AGAP1: variants seen among roughly 807,000 people sequenced by gnomAD.
AGAP1 encodes the protein ArfGAP with GTPase domain, ankyrin repeat and PH domain 1.
In AGAP1, 29 loss-of-function variants were observed where a neutral mutation model predicts 105.3. The observed-to-expected ratio is 0.28, with a 90% CI of 0.21 to 0.38. The LOEUF (loss-of-function observed/expected upper bound fraction) is 0.38. Ranked by LOEUF, AGAP1 falls within the 10% of genes least tolerant of loss-of-function variation. AGAP1 has a pLI of 1.00. For missense variants in AGAP1, 998 were observed against 1,165.1 expected, an observed-to-expected ratio of 0.86 and a Z score of 2.09; for synonymous variants, 509 against 485.9, an observed-to-expected ratio of 1.05 and a Z score of -0.63.
At chr2:235,670,201 C>T (rs1465107321) in intron 1 of AGAP1, 7 of 582,774 alleles carry the variant, frequency 1.2e-5, no homozygotes, top group Non-Finnish European at 1.9e-5. Flanking sequence ...TCTCCGTGAC[C>T]ATGGTCAGGA....
At chr2:235,627,326 G>A (rs1946674499) in intron 1 of AGAP1, among the ~76,000 whole-genome samples, 1 of 149,390 alleles carries the variant, frequency 6.7e-6, no homozygotes, top group South Asian at 2.1e-4. Context: ...CCGAGTTTAA[G>A]CAATTCTCCT....
chr2:236,101,037 C>A lies in AGAP1; in HGVS notation c.2115-19155C>A, dbSNP rs748143191. On this transcript the variant is annotated intron_variant, in intron 16 of 17. Coordinates refer to ENST00000304032, the MANE Select transcript of AGAP1 (RefSeq NM_001037131.3). The surrounding 1 kb of genome is among the most constrained non-coding windows in gnomAD (Gnocchi z 4.9). ...CATCAGCTAGGCTGACACAGGGGTC[C>A]GCAGACCCAGGCCCCTCATTCCATC... 6.6e-6 allele frequency among the ~76,000 whole-genome samples: 1 copy of A among 152,072 alleles called. No individual in the cohort carries two copies. Among genetic ancestry groups the A allele is most frequent in the East Asian group, 1.9e-4 (1 of 5,160 alleles).
At chr2:235,506,408 A>C (rs866224802) in intron 1 of AGAP1, among the ~76,000 whole-genome samples, 15 of 152,148 alleles carry the variant, frequency 9.9e-5, no homozygotes, top group African/African-American at 3.4e-4. Context: ...AGTCCTAGCT[A>C]CTTGAGTGGC....
At chr2:235,554,553 G>C (rs1943914817) in intron 1 of AGAP1, among the ~76,000 whole-genome samples, 1 of 152,238 alleles carries the variant, frequency 6.6e-6, no homozygotes, top group Non-Finnish European at 1.5e-5. Context: ...TCCAGCTTTA[G>C]GGAGGATGGT....
intron 6 of AGAP1, among the ~76,000 whole-genome samples, chr2:235,785,265 G>A (rs1353702143): frequency 1.3e-5 from 2 of 152,184 alleles, no homozygotes; most frequent in African/African-American, 4.8e-5. Context: ...GTGTGCCTGT[G>A]AGAAATGGAA....
rs1005872807 is a variant in AGAP1 at position 235,736,036 on chromosome 2, C to G, written c.311-4927C>G. Reference sequence around the variant, plus strand: ...GAGGATTCCAGGTGATGCTGTTTACCTCCTGTGATATCCTTGTGTCCTGGG... The same window carrying G: ...GAGGATTCCAGGTGATGCTGTTTACGTCCTGTGATATCCTTGTGTCCTGGG... On this transcript the variant is annotated intron_variant, in intron 3 of 17. Coordinates refer to ENST00000304032, the MANE Select transcript of AGAP1 (RefSeq NM_001037131.3). This position sits in a 1 kb window ranked among gnomAD's most constrained non-coding sequence, Gnocchi z 5.5. Among the ~76,000 whole-genome samples the G allele has an allele frequency of 6.6e-6, 1 of 151,894 alleles. No individual in the cohort carries two copies. The highest frequency in any genetic ancestry group is 1.5e-5 in the Non-Finnish European group (1 of 68,004).
rs1559290327 is a variant in AGAP1, at chr2:235,614,533, GTGA to G, written c.164-94645_164-94643del. Among the ~76,000 whole-genome samples the G allele has an allele frequency of 6.6e-6, 1 of 152,194 alleles. No individual in the cohort carries two copies. Among genetic ancestry groups the G allele is most frequent in the Non-Finnish European group, 1.5e-5 (1 of 68,040 alleles). On this transcript the variant is annotated intron_variant, in intron 1 of 17. Transcript: ENST00000304032. The surrounding 1 kb of genome is among the most constrained non-coding windows in gnomAD (Gnocchi z 4.7). ...GGGTGGGGGCTTTGCTCTTTAGCCC[GTGA>G]GCAGTGGAAAGTCATTGAATGCTGT...
At position 235,623,341 on chromosome 2, in the gene AGAP1, G is replaced by C. The variant is rs1017623982; in HGVS notation, c.164-85838G>C. Among the ~76,000 whole-genome samples the C allele has an allele frequency of 6.6e-6, 1 of 152,188 alleles. No homozygotes were observed. Among genetic ancestry groups the C allele is most frequent in the African/African-American group, 2.4e-5 (1 of 41,424 alleles). On this transcript the variant is annotated intron_variant, in intron 1 of 17. Coordinates refer to ENST00000304032, the MANE Select transcript of AGAP1 (RefSeq NM_001037131.3). This position sits in a 1 kb window ranked among gnomAD's most constrained non-coding sequence, Gnocchi z 4.5. ...TACAAATCAAGATTTGCTTTGCCTC[G>C]TTGTGTAAATATCGGCAAACCATGT...
rs778598298 is a variant in AGAP1 at position 236,002,311 on chromosome 2, G to T, written c.1645+33688G>T. Among the ~76,000 whole-genome samples the T allele has an allele frequency of 3.9e-5, 6 of 152,192 alleles. No individual in the cohort carries two copies. The highest frequency in any genetic ancestry group is 7.3e-5 in the Non-Finnish European group (5 of 68,042). ...CTGGTCCCGTCCTGGAACAGCCGGT[G>T]ACTCAAAGCTCAAATATCATCCCCA... On this transcript the variant is annotated intron_variant, in intron 13 of 17. Coordinates refer to ENST00000304032, the MANE Select transcript of AGAP1 (RefSeq NM_001037131.3). This position sits in a 1 kb window ranked among gnomAD's most constrained non-coding sequence, Gnocchi z 4.3.
In AGAP1 at chr2:235,957,784, A is replaced by G. The variant is rs1177506534; in HGVS notation, c.1484-10678A>G. ...GCTTTATATCGTTGGCCGTGTATCA[A>G]AGGAAGTGCGTTTTAATTTACGAGT... is the stretch of plus-strand genomic sequence containing the variant. On this transcript the variant is annotated intron_variant, in intron 12 of 17. Transcript: ENST00000304032. This position sits in a 1 kb window ranked among gnomAD's most constrained non-coding sequence, Gnocchi z 4.6. 6.6e-6 allele frequency among the ~76,000 whole-genome samples: 1 copy of G among 152,342 alleles called. No individual in the cohort carries two copies. Among genetic ancestry groups the G allele is most frequent in the East Asian group, 1.9e-4 (1 of 5,174 alleles).
At chr2:236,069,664 T>C (rs992616211) in intron 16 of AGAP1, among the ~76,000 whole-genome samples, 1 of 152,198 alleles carries the variant, frequency 6.6e-6, no homozygotes, top group African/African-American at 2.4e-5. Context: ...CCTCAAGTGA[T>C]CTGCCCACCT....
intron 9 of AGAP1, among the ~76,000 whole-genome samples, chr2:235,835,239 C>T (rs1959998525): frequency 6.6e-6 from 1 of 152,210 alleles, no homozygotes; most frequent in African/African-American, 2.4e-5. Flanking sequence ...AGTGGCTCCC[C>T]ATGGCCTGCA....
chr2:235,835,145 G>A (rs529186854), intron 9 of AGAP1, among the ~76,000 whole-genome samples: 10 of 152,254 alleles, frequency 6.6e-5, no homozygotes, highest in South Asian at 4.1e-4. Flanking sequence ...TGTGTTCCCC[G>A]GGCATGCGTT....
intron 6 of AGAP1, among the ~76,000 whole-genome samples, chr2:235,765,226 TATCTGGGAGCGTCCGTGGGGTGGGGGC>T (rs1954839161): frequency 2.5e-5 from 1 of 40,546 alleles, no homozygotes; most frequent in Admixed American, 3.9e-4. Flanking sequence ...GGGTTGGGGG[TATCTGGGAGCGTCCGTGGGGTGGGGGC>T]ATCTGGGAGC....
chr2:235,573,054 CTTCTTCT>C (rs554093718), intron 1 of AGAP1, among the ~76,000 whole-genome samples: 2,176 of 21,732 alleles, frequency 0.1, 206 homozygotes, highest in East Asian at 0.23. Context: ...TCTTCTTCTT[CTTCTTCT>C]TTCTTCTTTC....
rs1249957777 is a variant in AGAP1, at chr2:236,124,539, G to A, written c.*417G>A. 2.6e-5 allele frequency: 6 copies of A among 227,156 alleles called. No individual in the cohort carries two copies. The highest frequency in any genetic ancestry group is 1.4e-4 in the African/African-American group (6 of 43,656). 14.1% of individuals were successfully genotyped at this position (227,156 alleles called of 1,614,324 possible). ...TAGTACATTTCCCCTCTACCAAACGGAACACTTGGATTCCATCTCTTCTCT... is the reference window on the plus strand; with the variant it reads ...TAGTACATTTCCCCTCTACCAAACGAAACACTTGGATTCCATCTCTTCTCT... On this transcript the variant is annotated 3_prime_UTR_variant, in exon 18 of 18. Coordinates refer to ENST00000304032, the MANE Select transcript of AGAP1 (RefSeq NM_001037131.3). This position sits in a 1 kb window ranked among gnomAD's most constrained non-coding sequence, Gnocchi z 5.1.
intron 1 of AGAP1, among the ~76,000 whole-genome samples, chr2:235,543,920 G>C (rs1232496019): frequency 6.6e-6 from 1 of 152,128 alleles, no homozygotes; most frequent in Non-Finnish European, 1.5e-5. Flanking sequence ...GTAATATCTG[G>C]TCAAGGGCTT....
At chr2:235,627,123 C>T (rs1946662850) in intron 1 of AGAP1, among the ~76,000 whole-genome samples, 1 of 150,226 alleles carries the variant, frequency 6.7e-6, no homozygotes, top group African/African-American at 2.5e-5. Context: ...GAAAACAATT[C>T]AGTCTATCTT....
At chr2:235,946,390 A>G (rs2053503604) in intron 12 of AGAP1, among the ~76,000 whole-genome samples, 1 of 151,126 alleles carries the variant, frequency 6.6e-6, no homozygotes, top group Admixed American at 6.6e-5. Flanking sequence ...GGTTCAAGCA[A>G]TACTCCTGAC....
Sources: gnomAD v4.1 joint callset for allele counts (sites outside exome capture counted in the v4.1 genomes callset) on GRCh38, gnomAD v4.1.1 for gene constraint, Gnocchi (gnomAD v3.1) non-coding constraint, MANE v1.5 for transcripts, NCBI Gene and HGNC (gene_info 2026-07-23, HGNC 2026-07-21) for gene names.